Variants in PLOD3 observed in about 807,000 individuals in gnomAD.
PLOD3 encodes multifunctional procollagen lysine hydroxylase and glycosyltransferase LH3.
A neutral mutation model predicts 96.9 loss-of-function variants in PLOD3; 73 were observed. The ratio of observed to expected loss-of-function variants is 0.75; its 90% CI spans 0.62 to 0.92. PLOD3 has a LOEUF of 0.92. Ranked by LOEUF, PLOD3 falls within the 40% of genes least tolerant of loss-of-function variation. PLOD3 has a pLI of 0.00. For synonymous variants in PLOD3, 454 were observed against 413.7 expected, an observed-to-expected ratio of 1.10 and a Z score of -1.18; for missense variants, 1,004 against 1,004.3, an observed-to-expected ratio of 1.00 and a Z score of 0.00.
In PLOD3 at chr7:101,207,717, C is replaced by G; in HGVS notation, c.1796G>C (p.Arg599Thr). Residue 599 changes from arginine (R) to threonine (T), a missense_variant, in exon 17 of 19, where the codon AGG becomes ACG. Around this residue, in one of 5 missense-constraint regions of PLOD3, gnomAD observed 222 missense variants for 220.4 expected, o/e 1.01. Coordinates refer to ENST00000223127, the MANE Select transcript of PLOD3 (RefSeq NM_001084.5). ...CACATTCTCGTAGCCTCCAGCCAGC[C>G]TTGAATCCTGGGGGCGGCGGGCACT... is the stretch of plus-strand genomic sequence containing the variant. ...QWSGGRHEDS[R>T]LAGGYENVPT... The G allele has an allele frequency of 6.2e-7, 1 of 1,613,842 alleles. No individual in the cohort carries two copies. Among genetic ancestry groups the G allele is most frequent in the Non-Finnish European group, 8.5e-7 (1 of 1,179,932 alleles).
intron 17 of PLOD3, among the ~76,000 whole-genome samples, chr7:101,207,252 A>G (rs1798102514): frequency 6.6e-6 from 1 of 151,930 alleles, no homozygotes; most frequent in Non-Finnish European, 1.5e-5. Context: ...CTGGGATTAC[A>G]TGTGTGAGCC....
At chr7:101,208,289 T>G (rs1464190805) in intron 16 of PLOD3, among the ~76,000 whole-genome samples, 1 of 152,062 alleles carries the variant, frequency 6.6e-6, no homozygotes, top group African/African-American at 2.4e-5. Context: ...GTTTCACTCT[T>G]GTTGCCCAGC....
chr7:101,214,368 T>C (rs1320425889), intron 6 of PLOD3, among the ~76,000 whole-genome samples: 1 of 151,968 alleles, frequency 6.6e-6, no homozygotes, highest in Non-Finnish European at 1.5e-5. Flanking sequence ...TGACCTCAAG[T>C]GATCCTCCTG....
At position 101,213,183 on chromosome 7, in the gene PLOD3, T is replaced by G. The variant is rs751428470; in HGVS notation, c.701A>C (p.Asp234Ala). ...GALDEVVLKF[D>A]RNRVRIRNVA... ...GTTCCGGATACGCACACGGTTCCGA[T>G]CAAACTTTAAAACCACTTCATCTGG... Residue 234 changes from aspartate to alanine, a missense_variant, in exon 7 of 19, where the codon GAT becomes GCT. By Grantham distance (126) the Asp-to-Ala change is moderately radical. Around this residue, in one of 5 missense-constraint regions of PLOD3, gnomAD observed 690 missense variants for 650.2 expected, o/e 1.06. Transcript: ENST00000223127. 1.2e-6 allele frequency: 2 copies of G among 1,613,416 alleles called. No individual in the cohort carries two copies. Among genetic ancestry groups the G allele is most frequent in the Non-Finnish European group, 1.7e-6 (2 of 1,179,474 alleles).
At chr7:101,212,130 G>T in intron 10 of PLOD3, 123 bp downstream of exon 10, 2 of 1,330,454 alleles carry the variant, frequency 1.5e-6, no homozygotes, top group African/African-American at 1.4e-5. Flanking sequence ...GCAAGGATGC[G>T]AATGGGGAGG....
rs567263484 is a variant in PLOD3 at position 101,211,752 on chromosome 7, G to A, written c.1233-36C>T. 5.0e-6 allele frequency: 8 copies of A among 1,596,464 alleles called. No individual in the cohort carries two copies. The East Asian group carries it at 1.1e-4, about 23-fold the overall frequency. ...GTGGGGGTGAGGGCTGGGCAGACGG[G>A]AGCAGGCCTGGGGAGCCCGGTGCCC... is the stretch of plus-strand genomic sequence containing the variant. On this transcript the variant is annotated intron_variant, in intron 11 of 18. Transcript: ENST00000223127.
rs773194811 is a variant in PLOD3, at chr7:101,216,504, G to A, written c.244C>T (p.Arg82Ter). Residue 82 changes from arginine to a stop codon, truncating the protein, a stop_gained, in exon 3 of 19, where the codon CGA becomes TGA. Coordinates refer to ENST00000223127, the MANE Select transcript of PLOD3 (RefSeq NM_001084.5). LOFTEE classifies it high-confidence loss of function. ...GEEWRGGDVA[R>*]TVGGGQKVRW... ...ACCTTCTGTCCTCCACCAACTGTTC[G>A]AGCCACATCACCCCCTCGCCACTCC... The A allele has an allele frequency of 3.8e-5, 61 of 1,613,838 alleles. No homozygotes were observed. The highest frequency in any genetic ancestry group is 5.0e-5 in the Non-Finnish European group (59 of 1,179,978).
chr7:101,207,800 C>A, intron 16 of PLOD3, 76 bp from the exon 17 acceptor site: 4 of 1,502,836 alleles, frequency 2.7e-6, no homozygotes, highest in Non-Finnish European at 1.8e-6. Context: ...CAGCCTCCTT[C>A]CTCCCGTCCT....
intron 16 of PLOD3, 69 bp downstream of exon 16, chr7:101,208,784 T>G: frequency 9.5e-7 from 1 of 1,047,362 alleles, no homozygotes; most frequent in Non-Finnish European, 1.5e-6. Context: ...CCTGATTCCA[T>G]TGTTTGTTTA....
chr7:101,212,198 A>G (rs1282203671), intron 10 of PLOD3, 55 bp downstream of exon 10: 1 of 1,600,788 alleles, frequency 6.2e-7, no homozygotes, highest in Non-Finnish European at 8.5e-7. Context: ...AGGTGGCAGC[A>G]CCCCTGACCC....
At chr7:101,207,498 G>T (rs1024483547) in intron 17 of PLOD3, 80 bp downstream of exon 17, 64 of 1,465,716 alleles carry the variant, frequency 4.4e-5, no homozygotes, top group Non-Finnish European at 4.0e-5. Flanking sequence ...TGCCGGGGCC[G>T]AAAGGGGTCT....
intron 15 of PLOD3, among the ~76,000 whole-genome samples, chr7:101,209,409 G>A (rs950915274): frequency 1.1e-4 from 17 of 151,686 alleles, no homozygotes; most frequent in Admixed American, 6.6e-4. Context: ...ACAGGGTCTC[G>A]CTGTGTCACC....
chr7:101,207,827 T>C, intron 16 of PLOD3, 103 bp from the exon 17 acceptor site: 2 of 1,256,382 alleles, frequency 1.6e-6, no homozygotes, highest in Admixed American at 3.6e-5. Flanking sequence ...TTCACACCTG[T>C]GTTCCTCTGT....
At chr7:101,214,439 T>C (rs1584255042) in intron 6 of PLOD3, among the ~76,000 whole-genome samples, 1 of 152,020 alleles carries the variant, frequency 6.6e-6, no homozygotes, top group African/African-American at 2.4e-5. Context: ...CCTCTCTCTC[T>C]CCCCGTTCTC....
At chr7:101,215,307 G>A (rs529417131) in intron 5 of PLOD3, among the ~76,000 whole-genome samples, 155 bp from the exon 6 acceptor site, 1 of 152,164 alleles carries the variant, frequency 6.6e-6, no homozygotes, top group African/African-American at 2.4e-5. Flanking sequence ...TCTGCCTCCC[G>A]GTTTAATTGA....
At chr7:101,213,646 AGC>A in intron 6 of PLOD3, 4 of 193,310 alleles carry the variant, frequency 2.1e-5, no homozygotes, top group Admixed American at 5.4e-5. Context: ...CCTTTCAGGT[AGC>A]TGAGACTATG....
In PLOD3 at chr7:101,207,570, C is replaced by T; in HGVS notation, c.1935+8G>A. On this transcript the variant is annotated splice_region_variant and intron_variant, in intron 17 of 18. Coordinates refer to ENST00000223127, the MANE Select transcript of PLOD3 (RefSeq NM_001084.5). ...GGTGGGGAGGCAGCTGGCAGGTGGG[C>T]AGCGCACCTTGGTGTGGTAACCGGG... 6.2e-7 allele frequency: 1 copy of T among 1,613,158 alleles called. No homozygotes were observed. Among genetic ancestry groups the T allele is most frequent in the Non-Finnish European group, 8.5e-7 (1 of 1,179,286 alleles).
intron 4 of PLOD3, 22 bp from the exon 5 acceptor site, chr7:101,216,042 G>A (rs1200864914): frequency 1.2e-6 from 2 of 1,608,920 alleles, no homozygotes; most frequent in Non-Finnish European, 1.7e-6. Flanking sequence ...GGGGAGTGTT[G>A]ACCTCGAGAC....
At chr7:101,214,784 C>T (rs1446565077) in intron 6 of PLOD3, among the ~76,000 whole-genome samples, 1 of 152,148 alleles carries the variant, frequency 6.6e-6, no homozygotes, top group African/African-American at 2.4e-5. Flanking sequence ...CTGCAGTGAG[C>T]CAAGATTGGA....
Sources: gnomAD v4.1 joint callset for allele counts (sites outside exome capture counted in the v4.1 genomes callset) on GRCh38, gnomAD v4.1.1 for gene constraint, gnomAD v4.1.1 regional missense constraint, MANE v1.5 for transcripts, NCBI Gene and HGNC (gene_info 2026-07-23, HGNC 2026-07-21) for gene names.